EFHC2: variants seen among roughly 807,000 people sequenced by gnomAD.
The protein encoded by EFHC2 is EF-hand domain-containing family member C2.
A neutral mutation model predicts 52.7 loss-of-function variants in EFHC2; 18 were observed. The observed-to-expected ratio is 0.34, with a 90% CI of 0.24 to 0.51. EFHC2 has a LOEUF of 0.51. Among genes scored for constraint, EFHC2 ranks in the 20% least tolerant of loss-of-function variants. The probability of loss-of-function intolerance (pLI) is 0.97; values close to 1 mark genes in which losing one functional copy is unlikely to be tolerated. For missense variants in EFHC2, 513 were observed against 562.5 expected (o/e 0.91, Z 0.89); for synonymous variants, 203 against 204.1 (o/e 0.99, Z 0.04).
At chrX:44,251,646 A>T (rs2037451082) in intron 4 of EFHC2, among the ~76,000 whole-genome samples, 1 of 77,658 alleles carries the variant, frequency 1.3e-5, no homozygotes, top group African/African-American at 5.0e-5. Context: ...AAAAAAAAAA[A>T]GATTAAAAAA....
In EFHC2 at chrX:44,148,649, G is replaced by T; in HGVS notation, c.*146C>A. ...ACATGATGTTCTGTAAAACTAACATGACAAAATAGGATTAATTGTGGTTTA... is the reference window on the plus strand; with the variant it reads ...ACATGATGTTCTGTAAAACTAACATTACAAAATAGGATTAATTGTGGTTTA... On this transcript the variant is annotated 3_prime_UTR_variant, in exon 15 of 15. Transcript: ENST00000420999. 1 of 496,802 alleles carries T rather than the reference G, an allele frequency of 2.0e-6. No individual in the cohort carries two copies. The highest frequency in any genetic ancestry group is 3.3e-6 in the Non-Finnish European group (1 of 305,426). 40.9% of individuals were successfully genotyped at this position (496,802 alleles called of 1,213,427 possible). A position where few individuals can be genotyped will look rare whatever the true frequency, so the allele number is the denominator to read the frequency against.
intron 1 of EFHC2, among the ~76,000 whole-genome samples, chrX:44,337,240 A>T (rs750527474): frequency 6.4e-4 from 72 of 111,893 alleles, no homozygotes; most frequent in African/African-American, 2.3e-3. Flanking sequence ...AGCTAAGTTT[A>T]ACTATCTGTT....
At chrX:44,165,368 G>A (rs991151339) in intron 13 of EFHC2, among the ~76,000 whole-genome samples, 1 of 111,409 alleles carries the variant, frequency 9.0e-6, no homozygotes, top group Non-Finnish European at 1.9e-5. Flanking sequence ...TTTGGCCAAG[G>A]ATTCTAAGAT....
At chrX:44,206,041 G>A (rs2147299081) in intron 11 of EFHC2, among the ~76,000 whole-genome samples, 1 of 111,803 alleles carries the variant, frequency 8.9e-6, no homozygotes, top group East Asian at 2.8e-4. Context: ...GACCACAGTG[G>A]AATAAAATTA....
At chrX:44,152,038 GT>G (rs1029971817) in intron 14 of EFHC2, among the ~76,000 whole-genome samples, 2 of 111,889 alleles carry the variant, frequency 1.8e-5, no homozygotes, top group African/African-American at 6.5e-5. Context: ...TAATTCAGGT[GT>G]AAAACCTTAA....
intron 12 of EFHC2, among the ~76,000 whole-genome samples, chrX:44,177,882 T>C (rs1426502784): frequency 9.1e-6 from 1 of 110,178 alleles, no homozygotes; most frequent in Non-Finnish European, 1.9e-5. Context: ...GAGAAGCCTA[T>C]TCTTTCAAAG....
At chrX:44,297,960 T>TA (rs2037839008) in intron 2 of EFHC2, among the ~76,000 whole-genome samples, 1 of 78,085 alleles carries the variant, frequency 1.3e-5, no homozygotes, top group Non-Finnish European at 2.6e-5. Context: ...AGAAAAAAGG[T>TA]AAAAAAATAA....
At chrX:44,175,054 A>T (rs1200765124) in intron 13 of EFHC2, among the ~76,000 whole-genome samples, 1 of 110,662 alleles carries the variant, frequency 9.0e-6, no homozygotes, top group Non-Finnish European at 1.9e-5. Context: ...TCAAACAAGG[A>T]CTCCCTACTT....
At chrX:44,328,847 T>A (rs762156612) in intron 1 of EFHC2, among the ~76,000 whole-genome samples, 3 of 111,320 alleles carry the variant, frequency 2.7e-5, no homozygotes, top group African/African-American at 9.8e-5. Flanking sequence ...TTACATAGGG[T>A]CTACGTCAAG....
Position 44,256,672 on chromosome X carries a change from A to G in EFHC2, c.606+4403T>C, listed in dbSNP as rs958180582. ...GCCTACCAACCAAAAACAGCCCAGG[A>G]CCAGATGGATTCACAGCCAAATTCT... On this transcript the variant is annotated intron_variant, in intron 4 of 14. Transcript: ENST00000420999. 3.6e-5 allele frequency among the ~76,000 whole-genome samples: 4 copies of G among 111,600 alleles called. No individual in the cohort carries two copies. The East Asian group carries it at 8.4e-4, about 24-fold the overall frequency.
At chrX:44,182,742 T>C (rs1240196152) in intron 11 of EFHC2, among the ~76,000 whole-genome samples, 1 of 112,324 alleles carries the variant, frequency 8.9e-6, no homozygotes, top group Admixed American at 9.5e-5. Flanking sequence ...TGATTATTAT[T>C]ACTAATCTTG....
intron 7 of EFHC2, 32 bp from the exon 8 acceptor site, chrX:44,242,321 A>G: frequency 1.7e-6 from 2 of 1,185,146 alleles, no homozygotes; most frequent in East Asian, 6.0e-5. Flanking sequence ...CAAAACATCA[A>G]TATTTTTTTT....
At chrX:44,330,085 CAAA>C (rs34888507) in intron 1 of EFHC2, among the ~76,000 whole-genome samples, 15 of 46,386 alleles carry the variant, frequency 3.2e-4, no homozygotes, top group African/African-American at 1.4e-3. Context: ...CCTGTCTCTA[CAAA>C]AAAAAAAAAA....
At chrX:44,331,035 T>C (rs2038083447) in intron 1 of EFHC2, among the ~76,000 whole-genome samples, 1 of 112,321 alleles carries the variant, frequency 8.9e-6, no homozygotes, top group African/African-American at 3.2e-5. Context: ...CTTGGGCTCT[T>C]ATCCTAGAGA....
chrX:44,149,524 AT>A (rs1463004266), intron 14 of EFHC2, among the ~76,000 whole-genome samples: 3 of 111,126 alleles, frequency 2.7e-5, no homozygotes, highest in African/African-American at 9.8e-5. Context: ...TTATTTTATT[AT>A]TTTTTTTAAA....
intron 11 of EFHC2, among the ~76,000 whole-genome samples, chrX:44,185,967 G>A (rs1307914287): frequency 4.5e-5 from 5 of 112,145 alleles, no homozygotes; most frequent in Non-Finnish European, 9.4e-5. Flanking sequence ...CATTGACCCT[G>A]TTGTCTTATT....
chrX:44,316,051 C>T (rs2037981002), intron 1 of EFHC2, among the ~76,000 whole-genome samples: 1 of 111,288 alleles, frequency 9.0e-6, no homozygotes. Flanking sequence ...GGAGCTTTCT[C>T]CACTACTCAC....
intron 2 of EFHC2, among the ~76,000 whole-genome samples, chrX:44,287,604 C>T (rs1210196025): frequency 2.7e-5 from 3 of 112,635 alleles, no homozygotes; most frequent in African/African-American, 9.7e-5. Context: ...ATTTGGGACA[C>T]TTAGTAAATA....
intron 3 of EFHC2, among the ~76,000 whole-genome samples, chrX:44,272,310 G>A (rs2037623434): frequency 8.9e-6 from 1 of 112,187 alleles, no homozygotes; most frequent in Non-Finnish European, 1.9e-5. Context: ...CAATCTGGAA[G>A]CTGCAGTAGA....
Sources: allele counts gnomAD v4.1 joint callset (sites outside exome capture counted in the v4.1 genomes callset), GRCh38; gene constraint gnomAD v4.1.1; transcripts MANE v1.5; gene names NCBI Gene and HGNC (gene_info 2026-07-23, HGNC 2026-07-21).